UNC79: variants seen among roughly 807,000 people sequenced by gnomAD.
UNC79 encodes unc-79 subunit of NALCN channel complex.
Under a neutral mutation model 283.1 loss-of-function variants are expected in UNC79, and 37 were observed. That is an observed-to-expected ratio of 0.13 (90% CI 0.10 to 0.17). The LOEUF is 0.17. UNC79 is among the 10% of genes least tolerant of loss of function. The pLI, the probability that UNC79 is intolerant of heterozygous loss-of-function variation, is 1.00. For missense variants in UNC79, 2,272 were observed against 3,211.1 expected, an observed-to-expected ratio of 0.71 and a Z score of 7.07; for synonymous variants, 1,107 against 1,200.2, an observed-to-expected ratio of 0.92 and a Z score of 1.61.
At chr14:93,391,707 G>A (rs184804452) in intron 1 of UNC79, among the ~76,000 whole-genome samples, 1 of 152,248 alleles carries the variant, frequency 6.6e-6, no homozygotes, top group East Asian at 1.9e-4. Flanking sequence ...GAGATTACAG[G>A]TGTGAGTTAC....
chr14:93,603,294 G>A (rs556050969), exon 26 of UNC79: 1 of 1,614,188 alleles, frequency 6.2e-7, no homozygotes, highest in East Asian at 2.2e-5. Flanking sequence ...CCTTATGGAA[G>A]ATCAAGAGAG....
At chr14:93,551,046 A>C (rs964798611) in intron 14 of UNC79, among the ~76,000 whole-genome samples, 2 of 151,608 alleles carry the variant, frequency 1.3e-5, no homozygotes, top group Non-Finnish European at 2.9e-5. Flanking sequence ...TTATTTATTT[A>C]TTTATTTTAT....
chr14:93,371,805 A>G (rs1200455806), intron 1 of UNC79, among the ~76,000 whole-genome samples: 3 of 152,046 alleles, frequency 2.0e-5, no homozygotes, highest in Non-Finnish European at 4.4e-5. Flanking sequence ...GCACAACTGC[A>G]CTCCAGCCTA....
chr14:93,393,556 A>G (rs1334292550), intron 1 of UNC79, among the ~76,000 whole-genome samples: 1 of 152,212 alleles, frequency 6.6e-6, no homozygotes, highest in East Asian at 1.9e-4. Context: ...TTACATAAGT[A>G]TTCTTGCCAT....
intron 1 of UNC79, among the ~76,000 whole-genome samples, chr14:93,445,731 G>A (rs2056441545): frequency 6.6e-6 from 1 of 152,136 alleles, no homozygotes; most frequent in Non-Finnish European, 1.5e-5. Flanking sequence ...AGCCATTAGA[G>A]CCTGGAGGTT....
chr14:93,500,484 T>C (rs1417649635), intron 7 of UNC79, among the ~76,000 whole-genome samples: 1 of 152,120 alleles, frequency 6.6e-6, no homozygotes, highest in Non-Finnish European at 1.5e-5. Flanking sequence ...ATCATTCCGG[T>C]CTATAGATTA....
At chr14:93,334,484 T>C (rs984416168) in intron 1 of UNC79, 8 of 152,156 alleles carry the variant, frequency 5.3e-5, no homozygotes, top group Non-Finnish European at 1.2e-4. Context: ...TGAGAAAATA[T>C]AAAAGAAATA....
chr14:93,630,984 C>T, intron 31 of UNC79, 76 bp downstream of exon 33: 5 of 1,344,798 alleles, frequency 3.7e-6, no homozygotes, highest in South Asian at 1.2e-5. Flanking sequence ...TTTCAATTTT[C>T]CCAATCTTGG....
At chr14:93,673,506 G>A (rs1474861936) in intron 41 of UNC79, 51 bp downstream of exon 44, 1 of 1,539,952 alleles carries the variant, frequency 6.5e-7, no homozygotes, top group Non-Finnish European at 8.9e-7. Context: ...ATGTATGTTT[G>A]GGAAAATTAA....
At chr14:93,467,629 T>TTA in intron 1 of UNC79, 42 bp from the exon 2 acceptor site, 1 of 403,074 alleles carries the variant, frequency 2.5e-6, no homozygotes, top group Non-Finnish European at 2.9e-6. Flanking sequence ...TTCTTCTTCC[T>TTA]TTTTTTTTTT....
At chr14:93,442,862 G>A (rs1431849799) in intron 1 of UNC79, among the ~76,000 whole-genome samples, 1 of 152,132 alleles carries the variant, frequency 6.6e-6, no homozygotes, top group African/African-American at 2.4e-5. Flanking sequence ...GCCAAAGTGG[G>A]CGGATCACTT....
intron 47 of UNC79, among the ~76,000 whole-genome samples, chr14:93,695,263 A>G (rs536954776): frequency 2.6e-5 from 4 of 152,264 alleles, no homozygotes; most frequent in South Asian, 4.2e-4. Flanking sequence ...GTGGGCATCA[A>G]CTTGGAACCT....
At chr14:93,568,186 C>T (rs1242252261) in intron 14 of UNC79, among the ~76,000 whole-genome samples, 1 of 152,092 alleles carries the variant, frequency 6.6e-6, no homozygotes, top group East Asian at 1.9e-4. Flanking sequence ...ATTAATGGGT[C>T]TTAATATAAC....
intron 47 of UNC79, among the ~76,000 whole-genome samples, chr14:93,703,638 G>A (rs185533912): frequency 7.1e-4 from 108 of 152,256 alleles, no homozygotes; most frequent in Non-Finnish European, 1.2e-3. Flanking sequence ...CCTCAATATA[G>A]ATTTTAATGG....
chr14:93,449,424 C>T (rs2056563877), intron 1 of UNC79, among the ~76,000 whole-genome samples: 1 of 152,094 alleles, frequency 6.6e-6, no homozygotes, highest in African/African-American at 2.4e-5. Flanking sequence ...CACAGAAGCT[C>T]TTTATTCTTT....
intron 17 of UNC79, among the ~76,000 whole-genome samples, chr14:93,576,801 A>G (rs1015044682): frequency 6.6e-6 from 1 of 151,734 alleles, no homozygotes; most frequent in Non-Finnish European, 1.5e-5. Flanking sequence ...GGGGAGAAAT[A>G]CTCCTGCCTC....
At chr14:93,507,608 AC>A (rs1216493111) in intron 7 of UNC79, among the ~76,000 whole-genome samples, 1 of 152,136 alleles carries the variant, frequency 6.6e-6, no homozygotes, top group Non-Finnish European at 1.5e-5. Context: ...TTAGTTTGAT[AC>A]AAGTCATTTG....
chr14:93,479,289 G>T (rs76248974), intron 4 of UNC79, among the ~76,000 whole-genome samples: 1 of 130,910 alleles, frequency 7.6e-6, no homozygotes, highest in Admixed American at 8.8e-5. Context: ...TCCTCCCTTC[G>T]TCCCTTCTTT....
chr14:93,437,162 G>A (rs1354931065), intron 1 of UNC79, among the ~76,000 whole-genome samples: 2 of 152,154 alleles, frequency 1.3e-5, no homozygotes, highest in Non-Finnish European at 1.5e-5. Context: ...CTCAGAAGTA[G>A]AAATAGATAA....
Sources: gnomAD v4.1 joint callset for allele counts (sites outside exome capture counted in the v4.1 genomes callset) on GRCh38, gnomAD v4.1.1 for gene constraint, MANE v1.5 for transcripts, NCBI Gene and HGNC (gene_info 2026-07-23, HGNC 2026-07-21) for gene names.